CPNE3: variants seen among roughly 807,000 people sequenced by gnomAD.
CPNE3 encodes the protein copine 3.
In CPNE3, 68 loss-of-function variants were observed where a neutral mutation model predicts 63.9. The observed-to-expected ratio is 1.06, with a 90% CI of 0.87 to 1.30. The LOEUF (loss-of-function observed/expected upper bound fraction) is 1.30, where lower values mean the gene tolerates loss of function less well. CPNE3 is among the 50% of genes most tolerant of loss of function. The pLI is 0.00. For missense variants in CPNE3, 665 were observed against 578.1 expected (o/e 1.15, Z -1.54); for synonymous variants, 219 against 197.5 (o/e 1.11, Z -0.91).
intron 2 of CPNE3, 94 bp from the exon 3 acceptor site, chr8:86,528,442 A>G (rs1820587835): frequency 7.3e-7 from 1 of 1,375,704 alleles, no homozygotes; most frequent in Non-Finnish European, 1.0e-6. Context: ...TATTGTGACA[A>G]TTGGTCTTAA....
rs11548893 is a variant in CPNE3 at position 86,529,115 on chromosome 8, C to A, written c.303C>A (p.Thr101=). 1 of 1,612,060 alleles carries A rather than the reference C, an allele frequency of 6.2e-7. No individual in the cohort carries two copies. The highest frequency in any genetic ancestry group is 8.5e-7 in the Non-Finnish European group (1 of 1,179,050). Residue 101 remains threonine, a synonymous_variant, in exon 4 of 17, where the codon ACC becomes ACA. Coordinates refer to ENST00000517490, the MANE Select transcript of CPNE3 (RefSeq NM_003909.5). ...DDDFLGECEC[T]LGQIVSSKKL... ...ACTTCTTAGGGGAATGTGAATGTAC[C>A]CTTGGACAAGTAAGTATAAATAGCC... is the stretch of plus-strand genomic sequence containing the variant.
chr8:86,518,848 C>G (rs1820370908), intron 2 of CPNE3, among the ~76,000 whole-genome samples: 1 of 152,148 alleles, frequency 6.6e-6, no homozygotes. Context: ...TCTCGGCTCA[C>G]TGCAACCTCC....
Position 86,561,123 on chromosome 8 carries a change from G to A in CPNE3, c.*2713G>A, listed in dbSNP as rs1360107967. On this transcript the variant is annotated 3_prime_UTR_variant, in exon 17 of 17. Coordinates refer to ENST00000517490, the MANE Select transcript of CPNE3 (RefSeq NM_003909.5). The stretch of plus-strand genomic sequence containing the variant: ...GCAATCTTTCCAAAGTAAATTCAGG[G>A]CCCCATTGCTACTTATGCCATATTT... The A allele has an allele frequency of 6.6e-6, 1 of 152,054 alleles. No homozygotes were observed. The highest frequency in any genetic ancestry group is 2.4e-5 in the African/African-American group (1 of 41,408). 9.4% of individuals were successfully genotyped at this position (152,054 alleles called of 1,614,324 possible). A position where few individuals can be genotyped will look rare whatever the true frequency, so the allele number is the denominator to read the frequency against.
intron 7 of CPNE3, among the ~76,000 whole-genome samples, 189 bp downstream of exon 7, chr8:86,537,835 A>C (rs1820834713): frequency 3.9e-5 from 6 of 152,030 alleles, no homozygotes. Context: ...TATGATTTTT[A>C]TTTTGAAAAA....
At chr8:86,551,161 G>T (rs190659778) in intron 13 of CPNE3, 22 bp from the exon 14 acceptor site, 1 of 1,613,584 alleles carries the variant, frequency 6.2e-7, no homozygotes, top group East Asian at 2.2e-5. Flanking sequence ...GCCCTCATCA[G>T]TCCTTTGTCC....
chr8:86,533,751 T>C (rs1248633415), intron 6 of CPNE3, among the ~76,000 whole-genome samples: 1 of 152,208 alleles, frequency 6.6e-6, no homozygotes, highest in African/African-American at 2.4e-5. Context: ...AGACTTCATA[T>C]CATTTCATCC....
At chr8:86,557,853 A>C (rs1488591494) in intron 16 of CPNE3, among the ~76,000 whole-genome samples, 1 of 152,200 alleles carries the variant, frequency 6.6e-6, no homozygotes, top group Non-Finnish European at 1.5e-5. Context: ...TGGTTTTGAT[A>C]CTGTACTATA....
intron 2 of CPNE3, among the ~76,000 whole-genome samples, chr8:86,522,507 G>C (rs1402287885): frequency 7.0e-6 from 1 of 143,186 alleles, no homozygotes; most frequent in Admixed American, 7.0e-5. Flanking sequence ...GAGGAGCATA[G>C]CAGCCTTTGG....
intron 2 of CPNE3, 48 bp from the exon 3 acceptor site, chr8:86,528,488 C>T: frequency 6.2e-7 from 1 of 1,604,178 alleles, no homozygotes; most frequent in South Asian, 1.1e-5. Flanking sequence ...GAGTGTGCTT[C>T]TTAAAGGCAC....
At chr8:86,518,534 G>C (rs1199499787) in intron 2 of CPNE3, among the ~76,000 whole-genome samples, 1 of 152,168 alleles carries the variant, frequency 6.6e-6, no homozygotes, top group Non-Finnish European at 1.5e-5. Flanking sequence ...TCACTTTGTA[G>C]ACATGTATTT....
Position 86,559,048 on chromosome 8 carries a change from A to T in CPNE3, c.*638A>T, listed in dbSNP as rs975794567. 1 of 152,234 alleles carries T rather than the reference A, an allele frequency of 6.6e-6. No individual in the cohort carries two copies. Among genetic ancestry groups the T allele is most frequent in the African/African-American group, 2.4e-5 (1 of 41,464 alleles). The allele number at this position is 152,234 out of a possible 1,614,324, so 9.4% of individuals were successfully genotyped here. A position where few individuals can be genotyped will look rare whatever the true frequency, so the allele number is the denominator to read the frequency against. ...CACATACTCAGTTTTTTAAATGTAC[A>T]ATCAACAAGTAAAAATAACCTCATG... On this transcript the variant is annotated 3_prime_UTR_variant, in exon 17 of 17. Coordinates refer to ENST00000517490, the MANE Select transcript of CPNE3 (RefSeq NM_003909.5).
chr8:86,525,472 T>C (rs1820522111), intron 2 of CPNE3, among the ~76,000 whole-genome samples: 1 of 152,204 alleles, frequency 6.6e-6, no homozygotes, highest in African/African-American at 2.4e-5. Flanking sequence ...GGTTTCAGGA[T>C]AACATTGAGA....
chr8:86,528,163 T>C (rs988213435), intron 2 of CPNE3, among the ~76,000 whole-genome samples: 1 of 151,880 alleles, frequency 6.6e-6, no homozygotes, highest in Non-Finnish European at 1.5e-5. Flanking sequence ...TTGCCCATGA[T>C]GGTCTCAAAT....
At chr8:86,545,505 C>A (rs984856969) in intron 9 of CPNE3, among the ~76,000 whole-genome samples, 1 of 152,112 alleles carries the variant, frequency 6.6e-6, no homozygotes, top group African/African-American at 2.4e-5. Context: ...ATTTCTTTAG[C>A]TCTAATATAT....
intron 6 of CPNE3, among the ~76,000 whole-genome samples, chr8:86,532,803 G>A (rs1820710841): frequency 6.6e-6 from 1 of 152,206 alleles, no homozygotes; most frequent in African/African-American, 2.4e-5. Context: ...TAGGTTAAGA[G>A]AGGAGTTGAA....
At chr8:86,522,328 C>G (rs1286823495) in intron 2 of CPNE3, among the ~76,000 whole-genome samples, 1 of 152,092 alleles carries the variant, frequency 6.6e-6, no homozygotes, top group Non-Finnish European at 1.5e-5. Context: ...TTTGGAACAC[C>G]TAGAAAGTAT....
chr8:86,543,025 T>G (rs573717941), intron 8 of CPNE3, among the ~76,000 whole-genome samples: 7 of 152,098 alleles, frequency 4.6e-5, no homozygotes, highest in Non-Finnish European at 8.8e-5. Flanking sequence ...AGTTCTGTTT[T>G]CCATAATTGA....
At chr8:86,540,356 A>G (rs1314251132) in intron 8 of CPNE3, 22 bp downstream of exon 8, 14 of 1,188,772 alleles carry the variant, frequency 1.2e-5, no homozygotes, top group Non-Finnish European at 1.6e-5. Flanking sequence ...TTATATATAT[A>G]TAAAATACTT....
At chr8:86,516,346 C>T (rs1323271763) in intron 2 of CPNE3, among the ~76,000 whole-genome samples, 1 of 152,160 alleles carries the variant, frequency 6.6e-6, no homozygotes, top group East Asian at 1.9e-4. Context: ...GACACCTCTT[C>T]TAATTTTACC....
Sources: gnomAD v4.1 joint callset for allele counts (sites outside exome capture counted in the v4.1 genomes callset) on GRCh38, gnomAD v4.1.1 for gene constraint, MANE v1.5 for transcripts, NCBI Gene and HGNC (gene_info 2026-07-23, HGNC 2026-07-21) for gene names.